The following SERAC1 variants were observed in gnomAD, a reference collection of about 807,000 sequenced individuals.
The protein encoded by SERAC1 is serine active site containing 1, also known as protein SERAC1.
In SERAC1, 36 loss-of-function variants were observed where a neutral mutation model predicts 85.7. That is an observed-to-expected ratio of 0.42 (90% confidence interval 0.32 to 0.55). SERAC1 has a LOEUF of 0.55. Among genes scored for constraint, SERAC1 ranks in the 20% least tolerant of loss-of-function variants. The probability of loss-of-function intolerance (pLI) is 0.11; values close to 1 mark genes in which losing one functional copy is unlikely to be tolerated. For missense variants in SERAC1, 629 were observed against 796.2 expected (o/e 0.79, Z 2.53); for synonymous variants, 242 against 265.3 (o/e 0.91, Z 0.85).
At chr6:158,130,536 T>G in intron 8 of SERAC1, 50 bp from the exon 9 acceptor site, 1 of 1,155,808 alleles carries the variant, frequency 8.7e-7, no homozygotes, top group Non-Finnish European at 1.2e-6. Flanking sequence ...GACTAATATT[T>G]TTGTTTGACA....
At chr6:158,143,502 A>G (rs1784981159) in intron 7 of SERAC1, among the ~76,000 whole-genome samples, 1 of 152,056 alleles carries the variant, frequency 6.6e-6, no homozygotes, top group African/African-American at 2.4e-5. Flanking sequence ...TGAATTCTAT[A>G]CTTTCATGTC....
chr6:158,131,191 G>A (rs577701808), intron 8 of SERAC1, among the ~76,000 whole-genome samples: 2 of 150,574 alleles, frequency 1.3e-5, no homozygotes, highest in Non-Finnish European at 3.0e-5. Context: ...ACAAGTCAGT[G>A]ACAAAAAATA....
rs1373697156 is a variant in SERAC1, at chr6:158,144,324, G to A, written c.584C>T (p.Pro195Leu). Residue 195 changes from proline to leucine, a missense_variant, in exon 7 of 17, where the codon CCA (proline) becomes CTA (leucine). Transcript: ENST00000647468. ...EESDLRFFLLPPPLPSLKEDS... is the reference protein window; with the variant it reads ...EESDLRFFLLLPPLPSLKEDS... Reference sequence around the variant, plus strand: ...TTCTTTTAAAGATGGCAAAGGAGGTGGTAGGAGAAAAAAGCGAAGATCACT... The same window carrying A: ...TTCTTTTAAAGATGGCAAAGGAGGTAGTAGGAGAAAAAAGCGAAGATCACT... 2.5e-6 allele frequency: 4 copies of A among 1,611,800 alleles called. No homozygotes were observed. The highest frequency in any genetic ancestry group is 2.2e-5 in the East Asian group (1 of 44,838).
Position 158,117,794 on chromosome 6 carries a change from G to A in SERAC1, c.1336C>T (p.Leu446Phe). The change falls in exon 13 of 17, where the codon CTC becomes TTC. Residue 446 changes from leucine (L) to phenylalanine (F), a missense_variant. Physicochemically the swap from Leu to Phe is conservative, Grantham distance 22. Transcript: ENST00000647468. The surrounding 1 kb of genome is among the most constrained non-coding windows in gnomAD (Gnocchi z 4.3). ...KTWLAKDCPA[L>F]RIISVEYDTS... ...TCATACTCCACAGATATAATTCGGA[G>A]AGCAGGACAGTCTTTTGCTAACCAT... 6.2e-7 allele frequency: 1 copy of A among 1,614,026 alleles called. No homozygotes were observed. The highest frequency in any genetic ancestry group is 8.5e-7 in the Non-Finnish European group (1 of 1,179,920).
intron 1 of SERAC1, among the ~76,000 whole-genome samples, chr6:158,166,909 T>C (rs1478209719): frequency 6.6e-6 from 1 of 152,176 alleles, no homozygotes; most frequent in Non-Finnish European, 1.5e-5. Flanking sequence ...ATTCCTTAAC[T>C]GATTTCAGAG....
At chr6:158,166,245 T>G (rs1785594494) in intron 1 of SERAC1, 1 of 152,184 alleles carries the variant, frequency 6.6e-6, no homozygotes, top group African/African-American at 2.4e-5. Flanking sequence ...TTCATCATCC[T>G]TTATTGAATA....
rs893479404 is a variant in SERAC1 at position 158,117,191 on chromosome 6, T to C, written c.1403+536A>G. 3.9e-6 allele frequency: 1 copy of C among 255,604 alleles called. No individual in the cohort carries two copies. The highest frequency in any genetic ancestry group is 7.4e-5 in the East Asian group (1 of 13,430). 15.8% of individuals were successfully genotyped at this position (255,604 alleles called of 1,614,324 possible). A position where few individuals can be genotyped will look rare whatever the true frequency, so the allele number is the denominator to read the frequency against. Reference sequence around the variant, plus strand: ...ATAACACTGATTTAGACCAACTCTGTCAATCTGTAGACAAAGCTTCCCGGA... The same window carrying C: ...ATAACACTGATTTAGACCAACTCTGCCAATCTGTAGACAAAGCTTCCCGGA... On this transcript the variant is annotated intron_variant, in intron 13 of 16. Coordinates refer to ENST00000647468, the MANE Select transcript of SERAC1 (RefSeq NM_032861.4). The surrounding 1 kb of genome is among the most constrained non-coding windows in gnomAD (Gnocchi z 4.3).
At chr6:158,141,717 C>A (rs1451045687) in intron 8 of SERAC1, among the ~76,000 whole-genome samples, 2 of 152,130 alleles carry the variant, frequency 1.3e-5, no homozygotes, top group East Asian at 3.9e-4. Context: ...ACCATGGCAC[C>A]TTCCAGCCAC....
intron 8 of SERAC1, among the ~76,000 whole-genome samples, chr6:158,142,570 G>A (rs1172896932): frequency 2.0e-5 from 3 of 151,604 alleles, no homozygotes; most frequent in Non-Finnish European, 4.4e-5. Context: ...TCCGCCTCCC[G>A]GGTTCAAGCG....
chr6:158,162,504 A>C (rs776506121), intron 1 of SERAC1, among the ~76,000 whole-genome samples: 3 of 152,192 alleles, frequency 2.0e-5, no homozygotes, highest in Non-Finnish European at 4.4e-5. Context: ...CTTAGAACTC[A>C]CATTTTTCTT....
intron 8 of SERAC1, among the ~76,000 whole-genome samples, chr6:158,130,973 G>T (rs1038655204): frequency 6.6e-6 from 1 of 152,140 alleles, no homozygotes; most frequent in Non-Finnish European, 1.5e-5. Context: ...TTCTTAAGTT[G>T]AAATTCAATT....
chr6:158,144,711 CT>C (rs1174130098), intron 6 of SERAC1, among the ~76,000 whole-genome samples: 3 of 152,252 alleles, frequency 2.0e-5, no homozygotes, highest in African/African-American at 7.2e-5. Context: ...AATTTAACTT[CT>C]TTTTAAAACA....
chr6:158,114,831 A>G lies in SERAC1; in HGVS notation c.1642T>C (p.Tyr548His), dbSNP rs1331741437. Reference sequence around the variant, plus strand: ...ACTTCCAACGAGGGGAAGAGAAGATAGCGAATATTAACAGAGTATTCAGCC... The same window carrying G: ...ACTTCCAACGAGGGGAAGAGAAGATGGCGAATATTAACAGAGTATTCAGCC... Reference protein sequence around the residue: ...RLAEYSVNIRYLLFPSLEVKE... With the variant: ...RLAEYSVNIRHLLFPSLEVKE... The change falls in exon 15 of 17, where the codon TAT becomes CAT. Residue 548 changes from tyrosine to histidine, a missense_variant. Tyr to His is a moderately conservative substitution (Grantham distance 83). Transcript: ENST00000647468. The G allele has an allele frequency of 5.6e-6, 9 of 1,606,726 alleles. No individual in the cohort carries two copies. In the African/African-American group the frequency reaches 1.2e-4, roughly 22 times the overall value.
intron 8 of SERAC1, among the ~76,000 whole-genome samples, chr6:158,136,958 G>C (rs2502608): frequency 0.52 from 79,449 of 151,916 alleles, 21,043 homozygotes; most frequent in African/African-American, 0.59. Context: ...AAGAGATCGA[G>C]ACCATCCTGG....
intron 10 of SERAC1, among the ~76,000 whole-genome samples, chr6:158,121,921 T>TA (rs1193009076): frequency 1.3e-5 from 2 of 152,250 alleles, no homozygotes; most frequent in Non-Finnish European, 2.9e-5. Context: ...TTGGAAAACT[T>TA]ACTTCTTTAA....
At position 158,155,230 on chromosome 6, in the gene SERAC1, C is replaced by T. The variant is rs1785301752; in HGVS notation, c.128+85G>A. ...TTCCAAAATCTATACCCTTTCAAGA[C>T]CTCATGCAACCTGTCAATCACTGCC... On this transcript the variant is annotated intron_variant, in intron 3 of 16. Coordinates refer to ENST00000647468, the MANE Select transcript of SERAC1 (RefSeq NM_032861.4). 5.6e-6 allele frequency: 5 copies of T among 892,058 alleles called. No homozygotes were observed. In the Admixed American group the frequency reaches 1.0e-4, roughly 18 times the overall value. The allele number at this position is 892,058 out of a possible 1,614,324, so 55.3% of individuals were successfully genotyped here.
chr6:158,134,540 A>G (rs1195099072), intron 8 of SERAC1, among the ~76,000 whole-genome samples: 1 of 152,232 alleles, frequency 6.6e-6, no homozygotes, highest in Non-Finnish European at 1.5e-5. Context: ...ATCAGTATGA[A>G]TAAGGATAGT....
In SERAC1 at chr6:158,143,345, CTCTATATATATATA is replaced by C. The variant is rs59374882; in HGVS notation, c.610-175_610-162del. ...TCTCTCTCTCTCTCTCTCTCTCTCTCTCTATATATATATATATATATATATATATACACACACAC... is the reference window on the plus strand; with the variant it reads ...TCTCTCTCTCTCTCTCTCTCTCTCTCTATATATATATATATACACACACAC... On this transcript the variant is annotated intron_variant, in intron 7 of 16. Coordinates refer to ENST00000647468, the MANE Select transcript of SERAC1 (RefSeq NM_032861.4). 7.8e-3 allele frequency among the ~76,000 whole-genome samples: 207 copies of C among 26,436 alleles called. 1 individual carries two copies. The highest frequency in any genetic ancestry group is 0.042 in the East Asian group (46 of 1,096). The allele number at this position is 26,436 out of a possible 152,430, so 17.3% of individuals were successfully genotyped here.
chr6:158,136,580 C>T (rs773448325), intron 8 of SERAC1, among the ~76,000 whole-genome samples: 1 of 152,076 alleles, frequency 6.6e-6, no homozygotes, highest in East Asian at 1.9e-4. Flanking sequence ...ACCGCAGCCT[C>T]GAACTCCTGG....
Sources: allele counts gnomAD v4.1 joint callset (sites outside exome capture counted in the v4.1 genomes callset), GRCh38; gene constraint gnomAD v4.1.1; non-coding constraint Gnocchi (gnomAD v3.1); transcripts MANE v1.5; gene names NCBI Gene and HGNC (gene_info 2026-07-23, HGNC 2026-07-21).